Variants in PRKCZ observed in about 807,000 individuals in gnomAD.
The protein encoded by PRKCZ is protein kinase C zeta.
In PRKCZ, 33 loss-of-function variants were observed where a neutral mutation model predicts 79.5. The ratio of observed to expected loss-of-function variants is 0.41; its 90% confidence interval spans 0.31 to 0.55. The LOEUF is 0.55. Ranked by LOEUF, PRKCZ falls within the 20% of genes least tolerant of loss-of-function variation. The pLI is 0.19. For synonymous variants in PRKCZ, 342 were observed against 320.9 expected (o/e 1.07, Z -0.70); for missense variants, 578 against 813.5 (o/e 0.71, Z 3.52).
chr1:2,052,059 T>C (rs753347420), intron 1 of PRKCZ, among the ~76,000 whole-genome samples: 38 of 152,290 alleles, frequency 2.5e-4, no homozygotes, highest in Non-Finnish European at 5.1e-4. Context: ...TTCTGGCTAT[T>C]GGACTTGTCC....
At chr1:2,139,361 G>A (rs1469000362) in intron 5 of PRKCZ, among the ~76,000 whole-genome samples, 2 of 152,110 alleles carry the variant, frequency 1.3e-5, no homozygotes, top group Non-Finnish European at 2.9e-5. Context: ...AGGCCGAGGT[G>A]GGTGGATCAC....
chr1:2,167,707 G>A (rs1683616346), intron 10 of PRKCZ, among the ~76,000 whole-genome samples: 1 of 152,114 alleles, frequency 6.6e-6, no homozygotes, highest in Non-Finnish European at 1.5e-5. Flanking sequence ...GGGTTCAGGC[G>A]ATTCTCCTGC....
intron 8 of PRKCZ, among the ~76,000 whole-genome samples, chr1:2,150,400 C>T (rs1398236959): frequency 1.3e-5 from 2 of 152,196 alleles, no homozygotes; most frequent in Non-Finnish European, 2.9e-5. Context: ...CCTTCCTTCC[C>T]CTGAGGGAGG....
intron 4 of PRKCZ, among the ~76,000 whole-genome samples, chr1:2,117,053 A>C (rs1403786008): frequency 6.6e-6 from 1 of 151,850 alleles, no homozygotes; most frequent in African/African-American, 2.4e-5. Flanking sequence ...GGGCTCAAGC[A>C]ATCCTCCCAC....
chr1:2,079,202 T>C (rs760246569), intron 4 of PRKCZ, among the ~76,000 whole-genome samples: 7 of 152,246 alleles, frequency 4.6e-5, no homozygotes, highest in Admixed American at 6.5e-5. Context: ...TCGCACTTTT[T>C]CTCTGGGGTT....
chr1:2,060,073 A>T (rs367603392), intron 4 of PRKCZ, among the ~76,000 whole-genome samples: 190 of 152,170 alleles, frequency 1.2e-3, no homozygotes, highest in Admixed American at 2.0e-3. Context: ...CTCACTTCCT[A>T]CTGCATCCCG....
chr1:2,054,647 T>G (rs1009885176), intron 1 of PRKCZ, among the ~76,000 whole-genome samples: 27 of 150,802 alleles, frequency 1.8e-4, no homozygotes, highest in Non-Finnish European at 3.2e-4. Context: ...GTCTAAAGAG[T>G]GGCCTTTCAT....
rs1164447948 is a variant in PRKCZ at position 2,165,843 on chromosome 1, G to A, written c.975-3675G>A. The stretch of plus-strand genomic sequence containing the variant: ...TGGAAGGGGTGGGGGGAGTGGCGAG[G>A]AGGGGGCGGCACCAAGGACAGGGCC... On this transcript the variant is annotated intron_variant, in intron 10 of 17. Coordinates refer to ENST00000378567, the MANE Select transcript of PRKCZ (RefSeq NM_002744.6). This position sits in a 1 kb window ranked among gnomAD's most constrained non-coding sequence, Gnocchi z 4.1. Among the ~76,000 whole-genome samples the A allele has an allele frequency of 2.0e-5, 3 of 152,150 alleles. No individual in the cohort carries two copies. The highest frequency in any genetic ancestry group is 7.2e-5 in the African/African-American group (3 of 41,432).
At chr1:2,050,782 A>AGAGGGAGAGAGGGAAGGGGCGGC in intron 1 of PRKCZ, 81 bp downstream of exon 1, 2 of 914,274 alleles carry the variant, frequency 2.2e-6, no homozygotes, top group Non-Finnish European at 1.4e-6. Context: ...CTCCTGCGCG[A>AGAGGGAGAGAGGGAAGGGGCGGC]GAGGGAGAGA....
intron 4 of PRKCZ, among the ~76,000 whole-genome samples, chr1:2,086,547 G>C (rs1176190218): frequency 6.6e-6 from 1 of 152,216 alleles, no homozygotes; most frequent in Non-Finnish European, 1.5e-5. Context: ...CGGGCAGCAG[G>C]CTCTGGCATC....
chr1:2,101,432 G>C (rs535048608), intron 4 of PRKCZ, among the ~76,000 whole-genome samples: 1 of 152,222 alleles, frequency 6.6e-6, no homozygotes, highest in Non-Finnish European at 1.5e-5. Context: ...TTTGTCCTCA[G>C]ACTCCAGGGA....
chr1:2,151,167 G>A (rs1679829902), intron 9 of PRKCZ, among the ~76,000 whole-genome samples, 189 bp downstream of exon 9: 1 of 152,226 alleles, frequency 6.6e-6, no homozygotes, highest in Non-Finnish European at 1.5e-5. Flanking sequence ...TTAGGTAATG[G>A]CACTGTTGTG....
At chr1:2,110,122 C>A (rs1669430654) in intron 4 of PRKCZ, among the ~76,000 whole-genome samples, 2 of 78,828 alleles carry the variant, frequency 2.5e-5, no homozygotes, top group Non-Finnish European at 5.1e-5. Context: ...GAATCCGGGG[C>A]CCTCCCTGGG....
chr1:2,111,790 C>G (rs1669791510), intron 4 of PRKCZ: 1 of 152,356 alleles, frequency 6.6e-6, no homozygotes, highest in South Asian at 2.1e-4. Context: ...GCCCTTTGAC[C>G]TACAGCCTCA....
chr1:2,125,269 A>C lies in PRKCZ; in HGVS notation c.335-9993A>C, dbSNP rs755765318. Among the ~76,000 whole-genome samples the C allele has an allele frequency of 6.6e-6, 1 of 152,262 alleles. No individual in the cohort carries two copies. Among genetic ancestry groups the C allele is most frequent in the Non-Finnish European group, 1.5e-5 (1 of 68,048 alleles). The stretch of plus-strand genomic sequence containing the variant: ...ACTGACTGCTTGGAAGTTGGCGTAC[A>C]TCTTTCCACGGAAACTATGAAAATA... On this transcript the variant is annotated intron_variant, in intron 4 of 17. Coordinates refer to ENST00000378567, the MANE Select transcript of PRKCZ (RefSeq NM_002744.6). This position sits in a 1 kb window ranked among gnomAD's most constrained non-coding sequence, Gnocchi z 4.2.
chr1:2,106,521 CCCTCTGGTGGGCGAGGA>C (rs1372512362), intron 4 of PRKCZ, among the ~76,000 whole-genome samples: 2 of 82,706 alleles, frequency 2.4e-5, no homozygotes, highest in African/African-American at 1.1e-4. Context: ...CTCAGCAAGC[CCCTCTGGTGGGCGAGGA>C]CCTCCACACG....
chr1:2,106,409 C>G (rs1159952005), intron 4 of PRKCZ, among the ~76,000 whole-genome samples: 2 of 152,046 alleles, frequency 1.3e-5, no homozygotes, highest in Non-Finnish European at 2.9e-5. Flanking sequence ...GCAAGCCCCT[C>G]TAGTGGGCGA....
chr1:2,066,076 T>A (rs1661099164), intron 4 of PRKCZ, among the ~76,000 whole-genome samples: 1 of 152,236 alleles, frequency 6.6e-6, no homozygotes. Flanking sequence ...TGAGGATTTT[T>A]ACATCCGTGT....
chr1:2,107,923 C>A (rs901249922), intron 4 of PRKCZ, among the ~76,000 whole-genome samples: 1 of 149,612 alleles, frequency 6.7e-6, no homozygotes, highest in African/African-American at 2.5e-5. Context: ...GGGAGCCCCC[C>A]AACCCCGGCA....
Sources: allele counts gnomAD v4.1 joint callset (sites outside exome capture counted in the v4.1 genomes callset), GRCh38; gene constraint gnomAD v4.1.1; non-coding constraint Gnocchi (gnomAD v3.1); transcripts MANE v1.5; gene names NCBI Gene and HGNC (gene_info 2026-07-23, HGNC 2026-07-21).